The following TRPM3 variants were observed in gnomAD, a reference collection of about 807,000 sequenced individuals.
TRPM3 encodes the protein long transient receptor potential channel 3.
In TRPM3, 77 loss-of-function variants were observed where a neutral mutation model predicts 181.2. The ratio of observed to expected loss-of-function variants is 0.42; its 90% CI spans 0.35 to 0.51. TRPM3 has a LOEUF of 0.51. Ranked by LOEUF, TRPM3 falls within the 20% of genes least tolerant of loss-of-function variation. The pLI, the probability that TRPM3 is intolerant of heterozygous loss-of-function variation, is 0.01. For missense variants in TRPM3, 1,759 were observed against 2,196.7 expected (o/e 0.80, Z 3.98); for synonymous variants, 745 against 796.4 (o/e 0.94, Z 1.09).
intron 5 of TRPM3, among the ~76,000 whole-genome samples, chr9:70,828,500 G>A (rs889656896): frequency 6.7e-6 from 1 of 149,070 alleles, no homozygotes; most frequent in African/African-American, 2.4e-5. Flanking sequence ...GTAATTTGAA[G>A]GTCTCTTATT....
At chr9:71,340,506 T>C (rs1357191849) in intron 1 of TRPM3, among the ~76,000 whole-genome samples, 1 of 152,070 alleles carries the variant, frequency 6.6e-6, no homozygotes, top group African/African-American at 2.4e-5. Flanking sequence ...CTGATGGTTT[T>C]AAGAAGGAGA....
chr9:71,290,132 A>G (rs759614019), intron 1 of TRPM3, among the ~76,000 whole-genome samples: 6 of 152,018 alleles, frequency 3.9e-5, no homozygotes, highest in Non-Finnish European at 7.4e-5. Flanking sequence ...AATGAAAGAT[A>G]TATCTATTCA....
chr9:70,784,986 C>T (rs935294319), intron 6 of TRPM3, among the ~76,000 whole-genome samples: 44 of 152,130 alleles, frequency 2.9e-4, no homozygotes, highest in Non-Finnish European at 6.2e-4. Flanking sequence ...CTCAGTCTCC[C>T]AAGTAGCTGG....
chr9:70,921,435 G>A (rs979501666), intron 1 of TRPM3, among the ~76,000 whole-genome samples: 2 of 152,194 alleles, frequency 1.3e-5, no homozygotes, highest in Admixed American at 6.5e-5. Context: ...AAAGAGGAAA[G>A]CTACAAACTA....
chr9:70,670,442 T>C (rs1470154694), intron 9 of TRPM3, among the ~76,000 whole-genome samples: 2 of 152,230 alleles, frequency 1.3e-5, no homozygotes, highest in Admixed American at 1.3e-4. Context: ...TGTTATCTAC[T>C]TTGGTCTGTT....
At chr9:70,962,445 T>C (rs975917509) in intron 1 of TRPM3, among the ~76,000 whole-genome samples, 8 of 152,132 alleles carry the variant, frequency 5.3e-5, no homozygotes. Flanking sequence ...AGTGGTTGAG[T>C]AAGCTTTCAA....
At chr9:71,141,766 C>A (rs2075113776) in intron 1 of TRPM3, among the ~76,000 whole-genome samples, 1 of 152,108 alleles carries the variant, frequency 6.6e-6, no homozygotes, top group African/African-American at 2.4e-5. Context: ...TTTTCTCATA[C>A]CACTTTCACT....
At chr9:71,286,183 G>A (rs905875846) in intron 1 of TRPM3, among the ~76,000 whole-genome samples, 2 of 152,208 alleles carry the variant, frequency 1.3e-5, no homozygotes, top group Non-Finnish European at 2.9e-5. Context: ...TTTGTGAGGT[G>A]TCATCAGACC....
At chr9:70,675,930 A>T (rs1321854142) in intron 9 of TRPM3, among the ~76,000 whole-genome samples, 3 of 152,302 alleles carry the variant, frequency 2.0e-5, no homozygotes, top group Non-Finnish European at 2.9e-5. Flanking sequence ...TAACATTTTT[A>T]AAAAAGCCTA....
At chr9:71,364,934 GAAAAT>G (rs1565500970) in intron 1 of TRPM3, among the ~76,000 whole-genome samples, 2 of 152,018 alleles carry the variant, frequency 1.3e-5, no homozygotes, top group African/African-American at 4.8e-5. Flanking sequence ...TTTTTGGAAA[GAAAAT>G]AAAATAAGAT....
Position 71,145,429 on chromosome 9 carries a change from A to G in TRPM3, c.184-280918T>C, listed in dbSNP as rs552271914. Reference sequence around the variant, plus strand: ...AGAGACTTTGAGAATGGATTCTGAAAAACTCTGAGAGAATGCAGAAAATAC... The same window carrying G: ...AGAGACTTTGAGAATGGATTCTGAAGAACTCTGAGAGAATGCAGAAAATAC... On this transcript the variant is annotated intron_variant, in intron 1 of 24. Coordinates refer to the TRPM3 transcript ENST00000357533. Among the ~76,000 whole-genome samples the G allele has an allele frequency of 2.0e-5, 3 of 152,296 alleles. No homozygotes were observed. In the South Asian group the frequency reaches 6.2e-4, roughly 32 times the overall value.
intron 1 of TRPM3, among the ~76,000 whole-genome samples, chr9:70,973,271 T>C (rs2097264556): frequency 6.6e-6 from 1 of 152,190 alleles, no homozygotes; most frequent in Non-Finnish European, 1.5e-5. Context: ...ACAAGGCCAC[T>C]GCTTATCCTG....
intron 1 of TRPM3, among the ~76,000 whole-genome samples, chr9:70,943,901 T>A (rs1780709841): frequency 1.3e-5 from 2 of 152,150 alleles, no homozygotes; most frequent in Admixed American, 6.5e-5. Context: ...TGCCTCAGCC[T>A]CCCAAGTAGC....
intron 1 of TRPM3, among the ~76,000 whole-genome samples, chr9:71,007,039 C>CAAAAAAAAAAAAAAAAAAAAAA (rs59442017): frequency 1.4e-3 from 39 of 27,982 alleles, no homozygotes; most frequent in Admixed American, 5.7e-3. Context: ...AACTCCATCT[C>CAAAAAAAAAAAAAAAAAAAAAA]AAAAAAAAAA....
At chr9:71,420,059 A>G (rs1234633150) in intron 1 of TRPM3, among the ~76,000 whole-genome samples, 3 of 152,016 alleles carry the variant, frequency 2.0e-5, no homozygotes, top group Admixed American at 2.0e-4. Flanking sequence ...TTTCTGTTAT[A>G]CCTCATTTTA....
At chr9:71,041,585 T>C (rs2058828695) in intron 1 of TRPM3, among the ~76,000 whole-genome samples, 1 of 152,164 alleles carries the variant, frequency 6.6e-6, no homozygotes, top group Non-Finnish European at 1.5e-5. Flanking sequence ...AAAAAGGCTG[T>C]TATTTCCCAC....
Position 71,331,616 on chromosome 9 carries a change from G to A in TRPM3, c.183+115037C>T, listed in dbSNP as rs558911590. Among the ~76,000 whole-genome samples the A allele has an allele frequency of 4.6e-3, 689 of 150,244 alleles. 16 individuals are homozygous for A. The highest frequency in any genetic ancestry group is 0.015 in the African/African-American group (617 of 40,848). ...ATTTAGTTTATATTCTAAAAATAAG[G>A]AGAAGAAGGAGGAGAAGAAAAAGGA... On this transcript the variant is annotated intron_variant, in intron 1 of 24. Coordinates refer to the TRPM3 transcript ENST00000357533.
chr9:71,068,451 C>T (rs1346123056), intron 1 of TRPM3, among the ~76,000 whole-genome samples: 1 of 152,164 alleles, frequency 6.6e-6, no homozygotes, highest in Non-Finnish European at 1.5e-5. Flanking sequence ...GCCCAGAGCA[C>T]CACAATGAAC....
chr9:71,125,039 A>T (rs1418441331), upstream of TRPM3, among the ~76,000 whole-genome samples: 2 of 152,312 alleles, frequency 1.3e-5, no homozygotes, highest in East Asian at 1.9e-4. Flanking sequence ...CAGAAGGATG[A>T]TATTTAAGCA....
Sources: gnomAD v4.1 joint callset for allele counts (sites outside exome capture counted in the v4.1 genomes callset) on GRCh38, gnomAD v4.1.1 for gene constraint, MANE v1.5 for transcripts, NCBI Gene and HGNC (gene_info 2026-07-23, HGNC 2026-07-21) for gene names.